MATCAP1: variants seen among roughly 807,000 people sequenced by gnomAD.
The protein encoded by MATCAP1 is microtubule associated tyrosine carboxypeptidase 1.
the MATCAP1 span, chr16:67,178,142 CGCCCGAA>C: frequency 9.6e-6 from 14 of 1,454,464 alleles, no homozygotes; most frequent in Middle Eastern, 1.8e-4. Context: ...CCCCGCCCCT[CGCCCGAA>C]GCCCCGCCCC....
chr16:67,176,979 C>A, the MATCAP1 span: 1 of 1,535,086 alleles, frequency 6.5e-7, no homozygotes, highest in Non-Finnish European at 8.8e-7. The surrounding 1 kb of genome is among the most constrained non-coding windows in gnomAD (Gnocchi z 4.3). Flanking sequence ...AGGACACCTG[C>A]AGGAGGAAGC....
At chr16:67,177,944 G>A in the MATCAP1 span, 7 of 1,432,158 alleles carry the variant, frequency 4.9e-6, no homozygotes, top group East Asian at 1.6e-4. Flanking sequence ...ACCAATCCGA[G>A]GCTCAGGGAA....
chr16:67,179,689 C>T, the MATCAP1 span: 5 of 1,502,148 alleles, frequency 3.3e-6, no homozygotes, highest in Non-Finnish European at 3.7e-6. This position sits in a 1 kb window ranked among gnomAD's most constrained non-coding sequence, Gnocchi z 5.2. Context: ...CACCTCTGCT[C>T]AGAACCAGCT....
chr16:67,180,203 G>C, the MATCAP1 span: 6 of 1,614,086 alleles, frequency 3.7e-6, no homozygotes, highest in Non-Finnish European at 5.1e-6. Context: ...ACATGCAGGG[G>C]CTCTTGCTGG....
At chr16:67,178,151 C>G in the MATCAP1 span, 2 of 1,539,080 alleles carry the variant, frequency 1.3e-6, no homozygotes, top group Admixed American at 1.9e-5. Flanking sequence ...TCGCCCGAAG[C>G]CCCGCCCCCA....
At chr16:67,176,693 C>T in the MATCAP1 span, 1 of 958,066 alleles carries the variant, frequency 1.0e-6, no homozygotes, top group Non-Finnish European at 1.5e-6. This position sits in a 1 kb window ranked among gnomAD's most constrained non-coding sequence, Gnocchi z 4.3. Flanking sequence ...ATGCTCCTGC[C>T]CTCCCAACAC....
the MATCAP1 span, chr16:67,176,590 TCA>T: frequency 4.7e-6 from 2 of 429,168 alleles, no homozygotes; most frequent in Non-Finnish European, 8.2e-6. This position sits in a 1 kb window ranked among gnomAD's most constrained non-coding sequence, Gnocchi z 4.3. Flanking sequence ...GGAGGGCGAC[TCA>T]GTTTGCCAGA....
At chr16:67,180,523 G>A in the MATCAP1 span, 3 of 1,561,690 alleles carry the variant, frequency 1.9e-6, no homozygotes, top group Middle Eastern at 1.7e-4. Context: ...CGGTCTGAGG[G>A]CTTCAGCCTA....
At chr16:67,180,729 C>CAATGTGGAGTA in the MATCAP1 span, 1 of 614,592 alleles carries the variant, frequency 1.6e-6, no homozygotes, top group Non-Finnish European at 2.6e-6. Context: ...GACCAGCAGG[C>CAATGTGGAGTA]CCTGTACTCC....
chr16:67,182,264 A>AAG, the MATCAP1 span, among the ~76,000 whole-genome samples: 1 of 151,950 alleles, frequency 6.6e-6, no homozygotes, highest in Non-Finnish European at 1.5e-5. Flanking sequence ...AAAAAAAAAA[A>AAG]AAAAAAAGTC....
the MATCAP1 span, chr16:67,177,942 G>A: frequency 7.0e-7 from 1 of 1,419,244 alleles, no homozygotes; most frequent in Admixed American, 1.7e-5. Flanking sequence ...GCACCAATCC[G>A]AGGCTCAGGG....
chr16:67,179,712 G>T, the MATCAP1 span: 21 of 1,532,152 alleles, frequency 1.4e-5, no homozygotes, highest in Non-Finnish European at 1.8e-5. The surrounding 1 kb of genome is among the most constrained non-coding windows in gnomAD (Gnocchi z 5.2). Context: ...CACCTCACTG[G>T]GGCAGGGGCA....
the MATCAP1 span, chr16:67,180,217 T>C: frequency 1.9e-5 from 31 of 1,614,178 alleles, no homozygotes; most frequent in Non-Finnish European, 2.4e-5. Flanking sequence ...TTGCTGGCAA[T>C]ATGGCCTGCA....
At chr16:67,179,031 CTCAAG>C in the MATCAP1 span, 17 of 1,044,638 alleles carry the variant, frequency 1.6e-5, no homozygotes, top group African/African-American at 1.2e-4. This position sits in a 1 kb window ranked among gnomAD's most constrained non-coding sequence, Gnocchi z 5.2. Context: ...GCCATGTGTC[CTCAAG>C]TCAAGTCCAT....
the MATCAP1 span, among the ~76,000 whole-genome samples, chr16:67,177,801 G>A: frequency 6.6e-6 from 1 of 152,182 alleles, no homozygotes; most frequent in African/African-American, 2.4e-5. Flanking sequence ...CCTTTGAGAT[G>A]CAGTATCTAC....
chr16:67,177,904 A>C, the MATCAP1 span: 4 of 937,192 alleles, frequency 4.3e-6, no homozygotes, highest in Non-Finnish European at 6.7e-6. Flanking sequence ...CCCTACCACC[A>C]CAGGCCTGAC....
chr16:67,179,872 C>T, the MATCAP1 span: 1 of 1,614,254 alleles, frequency 6.2e-7, no homozygotes, highest in Non-Finnish European at 8.5e-7. The surrounding 1 kb of genome is among the most constrained non-coding windows in gnomAD (Gnocchi z 5.2). Flanking sequence ...ATATCTGGCA[C>T]TTGGTGAGCA....
chr16:67,178,972 T>A, the MATCAP1 span: 1 of 433,952 alleles, frequency 2.3e-6, no homozygotes, highest in Non-Finnish European at 4.0e-6. Context: ...TAGTGGTTAG[T>A]GCCCTGCACC....
chr16:67,180,668 T>C, the MATCAP1 span: 1 of 1,308,084 alleles, frequency 7.6e-7, no homozygotes, highest in Middle Eastern at 2.0e-4. Context: ...TGTCGACCTC[T>C]GGGGACACAG....
Sources: gnomAD v4.1 joint callset for allele counts (sites outside exome capture counted in the v4.1 genomes callset) on GRCh38, gnomAD v4.1.1 for gene constraint, Gnocchi (gnomAD v3.1) non-coding constraint, MANE v1.5 for transcripts, NCBI Gene and HGNC (gene_info 2026-07-23, HGNC 2026-07-21) for gene names.